BUB1: variants seen among roughly 807,000 people sequenced by gnomAD.
The protein encoded by BUB1 is mitotic checkpoint serine/threonine-protein kinase BUB1.
BUB1 carries 84 observed loss-of-function variants against 135.2 expected under a neutral mutation model. The observed-to-expected ratio is 0.62, with a 90% CI of 0.52 to 0.74. The LOEUF is 0.74. Among genes scored for constraint, BUB1 ranks in the 30% least tolerant of loss-of-function variants. The probability of loss-of-function intolerance (pLI) is 0.00; values close to 1 mark genes in which losing one functional copy is unlikely to be tolerated. For missense variants in BUB1, 1,162 were observed against 1,288.3 expected, an observed-to-expected ratio of 0.90 and a Z score of 1.50; for synonymous variants, 403 against 434.4, an observed-to-expected ratio of 0.93 and a Z score of 0.90.
At chr2:110,668,612 T>C (rs1465861107) in intron 6 of BUB1, among the ~76,000 whole-genome samples, 1 of 152,152 alleles carries the variant, frequency 6.6e-6, no homozygotes, top group Non-Finnish European at 1.5e-5. Flanking sequence ...GGAAACATAG[T>C]TGGGAAACAT....
Position 110,655,918 on chromosome 2 carries a change from T to C in BUB1, c.1699-2A>G, listed in dbSNP as rs1689921625. On this transcript the variant is annotated splice_acceptor_variant, in intron 15 of 24. Transcript: ENST00000302759. LOFTEE classifies it high-confidence loss of function. ...CTCTTCAGCATGAGGCACTTCCTCC[T>C]ATAACAGAAGATGAAATGAAAAAAA... 1 of 1,611,432 alleles carries C rather than the reference T, an allele frequency of 6.2e-7. No homozygotes were observed. The highest frequency in any genetic ancestry group is 1.7e-4 in the Middle Eastern group (1 of 6,046).
chr2:110,649,574 C>T (rs1324026124), intron 18 of BUB1, among the ~76,000 whole-genome samples, 197 bp from the exon 19 acceptor site: 1 of 151,976 alleles, frequency 6.6e-6, no homozygotes, highest in Non-Finnish European at 1.5e-5. Flanking sequence ...TTATTATTTG[C>T]CATTTTAGAT....
At chr2:110,656,003 G>T in intron 15 of BUB1, 87 bp from the exon 16 acceptor site, 1 of 1,275,658 alleles carries the variant, frequency 7.8e-7, no homozygotes, top group South Asian at 1.4e-5. Flanking sequence ...AAGATCCAAA[G>T]AAATGAGGAT....
chr2:110,672,351 G>A (rs1690446013), intron 4 of BUB1, among the ~76,000 whole-genome samples: 2 of 152,188 alleles, frequency 1.3e-5, no homozygotes, highest in African/African-American at 4.8e-5. Flanking sequence ...TATAGAAGTA[G>A]TTTAAAAGCT....
chr2:110,659,909 C>T (rs948840527), intron 11 of BUB1, 69 bp downstream of exon 11: 5 of 1,393,904 alleles, frequency 3.6e-6, no homozygotes, highest in Non-Finnish European at 4.0e-6. Flanking sequence ...AAACCACAGC[C>T]ACAAAATACA....
rs775887908 is a variant in BUB1, at chr2:110,657,099, AT to A, written c.1634del (p.Asn545IlefsTer78). 6.2e-7 allele frequency: 1 copy of A among 1,612,854 alleles called. No individual in the cohort carries two copies. The highest frequency in any genetic ancestry group is 8.5e-7 in the Non-Finnish European group (1 of 1,179,390). Reference protein sequence around the residue: ...KENYGLPQPKNKPTGARTFGE... With the variant: ...KENYGLPQPKXKPTGARTFGE... ...CAAAGGTCCTGGCTCCTGTGGGTTT[AT>A]TTTTAGGCTGTGGTAATCTAAGGAA... On this transcript the variant is annotated frameshift_variant, in exon 15 of 25. Coordinates refer to ENST00000302759, the MANE Select transcript of BUB1 (RefSeq NM_004336.5). LOFTEE classifies it high-confidence loss of function.
Position 110,642,158 on chromosome 2 carries a change from A to C in BUB1, c.2424T>G (p.Asp808Glu). ...TCTGTTTATTTTTAGCATCATTCAGATCTCCCTGGGTAGCTTCGTACACCT... is the reference window on the plus strand; with the variant it reads ...TCTGTTTATTTTTAGCATCATTCAGCTCTCCCTGGGTAGCTTCGTACACCT... ...FAQVYEATQG[D>E]LNDAKNKQKF... The change falls in exon 20 of 25, where the codon GAT becomes GAG. Residue 808 changes from aspartate (D) to glutamate (E), a missense_variant. Transcript: ENST00000302759. The C allele has an allele frequency of 1.2e-6, 2 of 1,613,346 alleles. No homozygotes were observed. Among genetic ancestry groups the C allele is most frequent in the Non-Finnish European group, 1.7e-6 (2 of 1,179,714 alleles).
At chr2:110,673,143 A>C (rs941210891) in intron 3 of BUB1, among the ~76,000 whole-genome samples, 2 of 152,154 alleles carry the variant, frequency 1.3e-5, no homozygotes, top group African/African-American at 4.8e-5. Flanking sequence ...GAGCTTAGAC[A>C]AGCTTCTGGA....
Position 110,655,862 on chromosome 2 carries a change from G to A in BUB1, c.1753C>T (p.Arg585Cys), listed in dbSNP as rs1187464081. Residue 585 changes from arginine (R) to cysteine (C), a missense_variant, in exon 16 of 25, where the codon CGC becomes TGC. By Grantham distance (180) the Arg-to-Cys change is radical. Transcript: ENST00000302759. ...FLDDSTVWGI[R>C]CNKTLAPSPK... ...CTGGGTGCCAGGGTTTTGTTGCAGC[G>A]AATACCCCATACAGTTGAGTCATCC... 9.9e-6 allele frequency: 16 copies of A among 1,613,772 alleles called. No homozygotes were observed. The highest frequency in any genetic ancestry group is 3.3e-4 in the Middle Eastern group (2 of 6,084).
chr2:110,641,490 T>C, intron 21 of BUB1, 26 bp from the exon 22 acceptor site: 1 of 1,587,822 alleles, frequency 6.3e-7, no homozygotes, highest in Non-Finnish European at 8.6e-7. Flanking sequence ...AGTGGAATCC[T>C]GAGTTAGTTG....
chr2:110,640,541 T>G (rs559961637), intron 23 of BUB1, among the ~76,000 whole-genome samples: 22 of 152,336 alleles, frequency 1.4e-4, no homozygotes, highest in African/African-American at 5.3e-4. Context: ...ATGATCCATT[T>G]CTTGATCTGG....
At chr2:110,665,358 G>C (rs1208595990) in intron 9 of BUB1, among the ~76,000 whole-genome samples, 4 of 151,976 alleles carry the variant, frequency 2.6e-5, no homozygotes, top group South Asian at 2.1e-4. Flanking sequence ...CAAGAGGATC[G>C]CTTGAGCCCA....
intron 6 of BUB1, among the ~76,000 whole-genome samples, chr2:110,668,163 T>C (rs1229715823): frequency 6.6e-6 from 1 of 152,186 alleles, no homozygotes; most frequent in Non-Finnish European, 1.5e-5. Context: ...AGCTAGAGTA[T>C]AGTGTCTGAA....
chr2:110,671,313 G>A (rs1452614328), intron 4 of BUB1, among the ~76,000 whole-genome samples: 1 of 152,128 alleles, frequency 6.6e-6, no homozygotes, highest in Non-Finnish European at 1.5e-5. Context: ...ATAGGGTTTG[G>A]GGAAAAATAT....
intron 24 of BUB1, 69 bp from the exon 25 acceptor site, chr2:110,638,228 C>A: frequency 7.8e-7 from 1 of 1,284,428 alleles, no homozygotes; most frequent in Non-Finnish European, 1.1e-6. Flanking sequence ...CCCACCCCTG[C>A]ATCTGACTTC....
chr2:110,670,868 T>C (rs1690400701), intron 4 of BUB1, among the ~76,000 whole-genome samples: 1 of 152,218 alleles, frequency 6.6e-6, no homozygotes, highest in Non-Finnish European at 1.5e-5. Flanking sequence ...CTGCAAATGT[T>C]CTAACACAGG....
intron 19 of BUB1, among the ~76,000 whole-genome samples, chr2:110,644,370 G>A (rs927876668): frequency 1.3e-5 from 2 of 151,500 alleles, no homozygotes; most frequent in Non-Finnish European, 2.9e-5. Context: ...CCAGCTACTC[G>A]GGAAGCTGAG....
At chr2:110,645,096 C>T (rs2104519554) in intron 19 of BUB1, among the ~76,000 whole-genome samples, 1 of 151,902 alleles carries the variant, frequency 6.6e-6, no homozygotes, top group East Asian at 1.9e-4. Flanking sequence ...CTAAATATAC[C>T]AATCAAAACA....
chr2:110,667,994 A>G (rs753261292), intron 6 of BUB1, 145 bp from the exon 7 acceptor site: 1 of 670,410 alleles, frequency 1.5e-6, no homozygotes, highest in Non-Finnish European at 2.5e-6. Flanking sequence ...ATTATGATTA[A>G]TATCAAAAGA....
Sources: gnomAD v4.1 joint callset for allele counts (sites outside exome capture counted in the v4.1 genomes callset) on GRCh38, gnomAD v4.1.1 for gene constraint, MANE v1.5 for transcripts, NCBI Gene and HGNC (gene_info 2026-07-23, HGNC 2026-07-21) for gene names.